The following MTCL3 variants were observed in gnomAD, a reference collection of about 807,000 sequenced individuals.
MTCL3 encodes the protein MTCL family member 3, also known as microtubule cross-linking factor 3.
At chr6:127,475,298 T>C in the MTCL3 span, 4 of 1,602,934 alleles carry the variant, frequency 2.5e-6, no homozygotes, top group African/African-American at 5.4e-5. The surrounding 1 kb of genome is among the most constrained non-coding windows in gnomAD (Gnocchi z 7.3). Flanking sequence ...TGTACCTGAC[T>C]CACGGAAATG....
chr6:127,502,544 G>A, the MTCL3 span, among the ~76,000 whole-genome samples: 1 of 152,128 alleles, frequency 6.6e-6, no homozygotes, highest in Admixed American at 6.5e-5. Flanking sequence ...AGATTTAAAG[G>A]GGAATTTCAG....
At chr6:127,508,223 T>G in the MTCL3 span, among the ~76,000 whole-genome samples, 1 of 152,208 alleles carries the variant, frequency 6.6e-6, no homozygotes, top group South Asian at 2.1e-4. Context: ...ATTTTATTAT[T>G]CAGGTAAACA....
At chr6:127,516,943 C>T in the MTCL3 span, among the ~76,000 whole-genome samples, 3 of 152,084 alleles carry the variant, frequency 2.0e-5, no homozygotes, top group Admixed American at 2.0e-4. Flanking sequence ...ACCTTACATT[C>T]TCATGGTAGC....
At chr6:127,479,758 A>G in the MTCL3 span, among the ~76,000 whole-genome samples, 3 of 152,202 alleles carry the variant, frequency 2.0e-5, no homozygotes, top group Non-Finnish European at 2.9e-5. Flanking sequence ...TATTTATTTA[A>G]AAATAAATAT....
At chr6:127,502,349 T>G in the MTCL3 span, among the ~76,000 whole-genome samples, 1 of 152,178 alleles carries the variant, frequency 6.6e-6, no homozygotes, top group African/African-American at 2.4e-5. Context: ...CAAATCAACA[T>G]AGTCAGCCCT....
chr6:127,482,887 C>T, the MTCL3 span: 2 of 1,553,996 alleles, frequency 1.3e-6, no homozygotes, highest in Non-Finnish European at 1.7e-6. The surrounding 1 kb of genome is among the most constrained non-coding windows in gnomAD (Gnocchi z 4.1). Flanking sequence ...ACTTGGTGTA[C>T]TAGTTGAAAT....
At chr6:127,490,645 C>T in the MTCL3 span, among the ~76,000 whole-genome samples, 3 of 151,876 alleles carry the variant, frequency 2.0e-5, no homozygotes, top group Non-Finnish European at 2.9e-5. Context: ...GGTGAAACTC[C>T]GTCTCTACTA....
At chr6:127,480,489 A>C in the MTCL3 span, among the ~76,000 whole-genome samples, 99 of 152,334 alleles carry the variant, frequency 6.5e-4, no homozygotes, top group African/African-American at 1.9e-3. Flanking sequence ...ACAAAGCTAA[A>C]TGAATAATAG....
the MTCL3 span, chr6:127,512,801 A>G: frequency 7.8e-7 from 1 of 1,285,328 alleles, no homozygotes; most frequent in South Asian, 1.7e-5. Context: ...CAATCATAAA[A>G]GAAATTTTTT....
the MTCL3 span, among the ~76,000 whole-genome samples, chr6:127,491,364 C>T: frequency 1.3e-5 from 2 of 152,202 alleles, no homozygotes; most frequent in African/African-American, 4.8e-5. Flanking sequence ...CAACTTTTGG[C>T]AACCACCACC....
the MTCL3 span, among the ~76,000 whole-genome samples, chr6:127,500,894 C>G: frequency 6.6e-6 from 1 of 152,182 alleles, no homozygotes; most frequent in Non-Finnish European, 1.5e-5. Flanking sequence ...TCACTGCAAC[C>G]TCCACCTCCT....
chr6:127,485,470 C>G, the MTCL3 span, among the ~76,000 whole-genome samples: 2 of 152,092 alleles, frequency 1.3e-5, no homozygotes, highest in Non-Finnish European at 2.9e-5. Flanking sequence ...CTAGGGTCAA[C>G]TTGGAGCACT....
At chr6:127,496,090 G>A in the MTCL3 span, among the ~76,000 whole-genome samples, 1 of 151,752 alleles carries the variant, frequency 6.6e-6, no homozygotes. Context: ...ACTAGCTGGG[G>A]GAAATAAATG....
At chr6:127,497,401 T>C in the MTCL3 span, among the ~76,000 whole-genome samples, 7 of 152,166 alleles carry the variant, frequency 4.6e-5, no homozygotes, top group Non-Finnish European at 7.3e-5. Flanking sequence ...ATCCAAACAT[T>C]CAGGGGAAGA....
At chr6:127,495,500 C>T in the MTCL3 span, among the ~76,000 whole-genome samples, 1 of 152,156 alleles carries the variant, frequency 6.6e-6, no homozygotes, top group African/African-American at 2.4e-5. Flanking sequence ...CAGCTTCGAA[C>T]TCATTAATGC....
the MTCL3 span, among the ~76,000 whole-genome samples, chr6:127,478,486 G>C: frequency 6.6e-6 from 1 of 152,340 alleles, no homozygotes; most frequent in East Asian, 1.9e-4. Context: ...TTTGGGTGAA[G>C]AATGTGGGTT....
chr6:127,511,092 CAGAG>C, the MTCL3 span, among the ~76,000 whole-genome samples: 2 of 152,276 alleles, frequency 1.3e-5, no homozygotes, highest in Admixed American at 6.5e-5. Flanking sequence ...AGTCTGGAAA[CAGAG>C]AGCTACAGGG....
the MTCL3 span, chr6:127,475,169 C>T: frequency 1.0e-6 from 1 of 997,588 alleles, no homozygotes; most frequent in Non-Finnish European, 1.4e-6. The surrounding 1 kb of genome is among the most constrained non-coding windows in gnomAD (Gnocchi z 7.3). Context: ...GGCCCCAGCG[C>T]GGCCCTGAGC....
chr6:127,477,402 G>A, the MTCL3 span, among the ~76,000 whole-genome samples: 1 of 152,156 alleles, frequency 6.6e-6, no homozygotes, highest in Non-Finnish European at 1.5e-5. Flanking sequence ...TTATGTCTAA[G>A]GTCATTTCTC....
Sources: gnomAD v4.1 joint callset for allele counts (sites outside exome capture counted in the v4.1 genomes callset) on GRCh38, gnomAD v4.1.1 for gene constraint, Gnocchi (gnomAD v3.1) non-coding constraint, MANE v1.5 for transcripts, NCBI Gene and HGNC (gene_info 2026-07-23, HGNC 2026-07-21) for gene names.